The following FOXN3 variants were observed in gnomAD, a reference collection of about 807,000 sequenced individuals.
FOXN3 encodes forkhead box N3.
A neutral mutation model predicts 38.4 loss-of-function variants in FOXN3; 7 were observed. That is an observed-to-expected ratio of 0.18 (90% CI 0.10 to 0.34). The LOEUF (loss-of-function observed/expected upper bound fraction) is 0.34, where lower values mean the gene tolerates loss of function less well. Among genes scored for constraint, FOXN3 ranks in the 10% least tolerant of loss-of-function variants. The pLI is 1.00. For synonymous variants in FOXN3, 230 were observed against 242.2 expected (o/e 0.95, Z 0.47); for missense variants, 456 against 613.4 (o/e 0.74, Z 2.71).
At chr14:89,378,265 G>C (rs1242175137) in intron 2 of FOXN3, among the ~76,000 whole-genome samples, 3 of 152,170 alleles carry the variant, frequency 2.0e-5, no homozygotes, top group Non-Finnish European at 4.4e-5. Flanking sequence ...TGCATGTAGG[G>C]GGTGGGAGCT....
intron 5 of FOXN3, among the ~76,000 whole-genome samples, chr14:89,175,141 T>G (rs1258683454): frequency 3.6e-4 from 55 of 152,226 alleles, no homozygotes; most frequent in Non-Finnish European, 1.5e-5. Context: ...TGACATGACC[T>G]TAAGAATTAA....
intron 3 of FOXN3, among the ~76,000 whole-genome samples, chr14:89,296,568 G>A (rs114556358): frequency 9.2e-5 from 14 of 152,314 alleles, no homozygotes; most frequent in African/African-American, 3.1e-4. Context: ...GGGCCAGTTT[G>A]GTTCTAGCTT....
At chr14:89,355,716 G>A (rs1299809395) in intron 2 of FOXN3, among the ~76,000 whole-genome samples, 3 of 152,220 alleles carry the variant, frequency 2.0e-5, no homozygotes, top group Non-Finnish European at 4.4e-5. Flanking sequence ...TTGCATAGTT[G>A]TGTATATACA....
At chr14:89,445,215 G>A (rs1892469428) in intron 1 of FOXN3, among the ~76,000 whole-genome samples, 3 of 151,938 alleles carry the variant, frequency 2.0e-5, no homozygotes, top group African/African-American at 4.8e-5. Context: ...TAGTATCCTC[G>A]GGTATACCCG....
chr14:89,435,810 C>T (rs899264307), intron 1 of FOXN3, among the ~76,000 whole-genome samples: 17 of 152,278 alleles, frequency 1.1e-4, no homozygotes, highest in African/African-American at 3.6e-4. Flanking sequence ...TTTCCTGTGA[C>T]ACCAGCCTTA....
chr14:89,591,635 A>C (rs1358656323), intron 1 of FOXN3, among the ~76,000 whole-genome samples: 2 of 152,218 alleles, frequency 1.3e-5, no homozygotes, highest in Admixed American at 6.5e-5. Context: ...CAGACATCTA[A>C]ACAAACAGGA....
chr14:89,513,629 T>C (rs1206881948), intron 1 of FOXN3, among the ~76,000 whole-genome samples: 1 of 149,810 alleles, frequency 6.7e-6, no homozygotes, highest in African/African-American at 2.5e-5. Context: ...AATTTCACTC[T>C]TGTTGCCCAG....
At chr14:89,321,320 G>A (rs1887889443) in intron 3 of FOXN3, among the ~76,000 whole-genome samples, 1 of 152,004 alleles carries the variant, frequency 6.6e-6, no homozygotes, top group South Asian at 2.1e-4. Flanking sequence ...TAAGGGCTGG[G>A]TAATCCCAGC....
intron 2 of FOXN3, among the ~76,000 whole-genome samples, chr14:89,382,049 A>G (rs1227281047): frequency 6.6e-6 from 1 of 151,896 alleles, no homozygotes; most frequent in Non-Finnish European, 1.5e-5. Context: ...ACCACAACCC[A>G]TTCATCACCT....
intron 1 of FOXN3, among the ~76,000 whole-genome samples, chr14:89,445,786 G>A (rs1892479720): frequency 6.6e-6 from 1 of 152,076 alleles, no homozygotes; most frequent in South Asian, 2.1e-4. Context: ...CTCACCACAA[G>A]TTTAAGGAAG....
chr14:89,531,488 A>G (rs1286367758), intron 1 of FOXN3, among the ~76,000 whole-genome samples: 3 of 152,352 alleles, frequency 2.0e-5, no homozygotes, highest in South Asian at 2.1e-4. Context: ...CTCTGAAAGA[A>G]TAAGTGCCTA....
chr14:89,302,262 C>T (rs963603681), intron 3 of FOXN3, among the ~76,000 whole-genome samples: 2 of 152,114 alleles, frequency 1.3e-5, no homozygotes, highest in South Asian at 2.1e-4. Context: ...GCATTAAATT[C>T]GAAGAGAACA....
At chr14:89,378,029 C>G (rs557975293) in intron 2 of FOXN3, among the ~76,000 whole-genome samples, 1 of 152,322 alleles carries the variant, frequency 6.6e-6, no homozygotes, top group South Asian at 2.1e-4. Flanking sequence ...CTTGGACTTC[C>G]AACATCCAGA....
At chr14:89,219,687 T>A (rs1261816012) in intron 4 of FOXN3, among the ~76,000 whole-genome samples, 1 of 152,194 alleles carries the variant, frequency 6.6e-6, no homozygotes, top group Non-Finnish European at 1.5e-5. Flanking sequence ...CTGGAAAATG[T>A]GATAATAGCA....
chr14:89,258,399 C>G (rs56361278), intron 4 of FOXN3, among the ~76,000 whole-genome samples: 29,065 of 152,106 alleles, frequency 0.19, 2,820 homozygotes, highest in East Asian at 0.32. Flanking sequence ...ATCACTGTCA[C>G]TGATAGGGAG....
intron 3 of FOXN3, among the ~76,000 whole-genome samples, chr14:89,288,893 A>C (rs1441543354): frequency 1.3e-5 from 2 of 151,760 alleles, no homozygotes; most frequent in Non-Finnish European, 2.9e-5. Flanking sequence ...TTAACATTGA[A>C]AAAAACATGG....
In FOXN3 at chr14:89,164,489, T is replaced by C. The variant is rs1887188904; in HGVS notation, c.852-1520A>G. 6.6e-6 allele frequency among the ~76,000 whole-genome samples: 1 copy of C among 152,076 alleles called. No individual in the cohort carries two copies. The highest frequency in any genetic ancestry group is 1.5e-5 in the Non-Finnish European group (1 of 67,996). On this transcript the variant is annotated intron_variant, in intron 5 of 5. Coordinates refer to ENST00000557258, the MANE Select transcript of FOXN3 (RefSeq NM_005197.4). The surrounding 1 kb of genome is among the most constrained non-coding windows in gnomAD (Gnocchi z 4.3). ...TGTAAGTACTCTTACATCCCCTCCA[T>C]AGAGGGCACTCCCCACCATCATTAT...
intron 1 of FOXN3, among the ~76,000 whole-genome samples, chr14:89,477,587 C>T (rs1000349638): frequency 2.0e-5 from 3 of 152,174 alleles, no homozygotes; most frequent in Non-Finnish European, 2.9e-5. Context: ...CCTTCTTCCT[C>T]GGGCAGAGCA....
chr14:89,302,429 T>C (rs1887244327), intron 3 of FOXN3, among the ~76,000 whole-genome samples: 1 of 152,222 alleles, frequency 6.6e-6, no homozygotes, highest in Non-Finnish European at 1.5e-5. Context: ...TTTTGCTTTG[T>C]TTTACTTTGT....
Sources: allele counts gnomAD v4.1 joint callset (sites outside exome capture counted in the v4.1 genomes callset), GRCh38; gene constraint gnomAD v4.1.1; non-coding constraint Gnocchi (gnomAD v3.1); transcripts MANE v1.5; gene names NCBI Gene and HGNC (gene_info 2026-07-23, HGNC 2026-07-21).